The following HPSE2 variants were observed in gnomAD, a reference collection of about 807,000 sequenced individuals.
The protein encoded by HPSE2 is inactive heparanase-2.
Under a neutral mutation model 60.5 loss-of-function variants are expected in HPSE2, and 38 were observed. That is an observed-to-expected ratio of 0.63 (90% CI 0.48 to 0.82). The LOEUF (loss-of-function observed/expected upper bound fraction) is 0.82, where lower values mean the gene tolerates loss of function less well. Among genes scored for constraint, HPSE2 ranks in the 40% least tolerant of loss-of-function variants. The probability of loss-of-function intolerance (pLI) is 0.00; values close to 1 mark genes in which losing one functional copy is unlikely to be tolerated. For missense variants in HPSE2, 713 were observed against 740.4 expected (o/e 0.96, Z 0.43); for synonymous variants, 295 against 293.2 (o/e 1.01, Z -0.06).
chr10:98,930,061 G>C (rs1326856209), intron 3 of HPSE2, among the ~76,000 whole-genome samples: 2 of 143,538 alleles, frequency 1.4e-5, no homozygotes, highest in Non-Finnish European at 3.0e-5. Flanking sequence ...TGTCATGGTG[G>C]TTTGCTGCAC....
At chr10:99,292,100 G>T in the HPSE2 span, among the ~76,000 whole-genome samples, 1 of 152,162 alleles carries the variant, frequency 6.6e-6, no homozygotes, top group South Asian at 2.1e-4. Flanking sequence ...AGGTTGTAAG[G>T]GCCTACATAT....
intron 2 of HPSE2, among the ~76,000 whole-genome samples, chr10:99,195,908 T>C (rs1028350719): frequency 2.0e-5 from 3 of 152,054 alleles, no homozygotes; most frequent in African/African-American, 7.2e-5. Flanking sequence ...AAAACTATCC[T>C]TAGCAAACCT....
At chr10:98,461,900 C>T in intron 11 of HPSE2, 1 of 1,012,902 alleles carries the variant, frequency 9.9e-7, no homozygotes, top group Non-Finnish European at 1.5e-6. Flanking sequence ...GGAACAGGCC[C>T]TATTCTGGTT....
chr10:98,814,785 A>G (rs553435672), intron 3 of HPSE2, among the ~76,000 whole-genome samples: 1 of 152,206 alleles, frequency 6.6e-6, no homozygotes, highest in South Asian at 2.1e-4. Flanking sequence ...TCAGCCAATA[A>G]AACAGCCATT....
intron 3 of HPSE2, among the ~76,000 whole-genome samples, chr10:98,810,995 C>T (rs561753996): frequency 6.6e-6 from 1 of 152,116 alleles, no homozygotes; most frequent in African/African-American, 2.4e-5. Flanking sequence ...TTAATGGCTT[C>T]CTACCGCTCT....
intron 9 of HPSE2, among the ~76,000 whole-genome samples, chr10:98,588,267 G>T (rs1248681783): frequency 6.6e-6 from 1 of 151,816 alleles, no homozygotes; most frequent in Non-Finnish European, 1.5e-5. Context: ...AGTTTGGAGG[G>T]GATGAGACCA....
chr10:98,841,858 G>A (rs1951921669), intron 3 of HPSE2, among the ~76,000 whole-genome samples: 1 of 150,650 alleles, frequency 6.6e-6, no homozygotes, highest in Non-Finnish European at 1.5e-5. Context: ...CCAGGCTGGA[G>A]TGCAGTGGCA....
chr10:98,489,439 G>C (rs1941560921), intron 10 of HPSE2, among the ~76,000 whole-genome samples: 1 of 152,226 alleles, frequency 6.6e-6, no homozygotes, highest in African/African-American at 2.4e-5. Flanking sequence ...TTGTTGTCCA[G>C]AGCCCTCAGA....
At chr10:98,939,461 C>T (rs1351485544) in intron 3 of HPSE2, among the ~76,000 whole-genome samples, 1 of 142,468 alleles carries the variant, frequency 7.0e-6, no homozygotes, top group South Asian at 2.1e-4. Context: ...GACTTTAAAC[C>T]AAAAAGATCA....
intron 3 of HPSE2, among the ~76,000 whole-genome samples, chr10:99,006,210 G>A (rs1956889697): frequency 6.6e-6 from 1 of 152,124 alleles, no homozygotes; most frequent in Admixed American, 6.5e-5. Context: ...AACTAGAGTG[G>A]GGATGGGACA....
intron 2 of HPSE2, among the ~76,000 whole-genome samples, chr10:99,187,182 A>AT (rs1396508789): frequency 6.6e-6 from 1 of 152,136 alleles, no homozygotes; most frequent in Non-Finnish European, 1.5e-5. Context: ...AATCATCCTA[A>AT]TAGGTAACAA....
chr10:98,807,934 A>C (rs1951079508), intron 3 of HPSE2, among the ~76,000 whole-genome samples: 1 of 152,166 alleles, frequency 6.6e-6, no homozygotes, highest in African/African-American at 2.4e-5. Flanking sequence ...ACTGTGAAGG[A>C]CACAGGAAAA....
chr10:98,599,094 T>C (rs1299094173), intron 9 of HPSE2, among the ~76,000 whole-genome samples: 1 of 152,000 alleles, frequency 6.6e-6, no homozygotes, highest in African/African-American at 2.4e-5. Flanking sequence ...GGCCTAAACC[T>C]TGGGTCTGCT....
chr10:99,144,479 C>T, intron 2 of HPSE2, 80 bp from the exon 3 acceptor site: 1 of 1,515,546 alleles, frequency 6.6e-7, no homozygotes. Context: ...TCTTGTTTCA[C>T]CCAAAATGAC....
chr10:98,628,768 C>T (rs1187887241), intron 7 of HPSE2, among the ~76,000 whole-genome samples: 1 of 152,016 alleles, frequency 6.6e-6, no homozygotes, highest in Non-Finnish European at 1.5e-5. Flanking sequence ...TCCATTCCTT[C>T]ATATTTCAGG....
chr10:98,643,943 A>G (rs1359526657), intron 6 of HPSE2, among the ~76,000 whole-genome samples: 1 of 152,208 alleles, frequency 6.6e-6, no homozygotes, highest in Non-Finnish European at 1.5e-5. Flanking sequence ...AGTTCCCAGT[A>G]ACTACATTAC....
intron 1 of HPSE2, among the ~76,000 whole-genome samples, chr10:99,234,186 A>T (rs1300845484): frequency 1.3e-5 from 2 of 152,190 alleles, no homozygotes; most frequent in African/African-American, 4.8e-5. Context: ...CCTCGCGGCA[A>T]CCGCACCAAC....
intron 5 of HPSE2, among the ~76,000 whole-genome samples, chr10:98,721,142 T>C (rs916392272): frequency 6.6e-6 from 1 of 152,054 alleles, no homozygotes; most frequent in Non-Finnish European, 1.5e-5. Flanking sequence ...TTAAAAATGA[T>C]TGTCAGATTC....
chr10:98,950,903 G>A (rs1955336303), intron 3 of HPSE2, among the ~76,000 whole-genome samples: 1 of 152,092 alleles, frequency 6.6e-6, no homozygotes, highest in Non-Finnish European at 1.5e-5. Flanking sequence ...ATCTTTACTT[G>A]TTCTAACTAT....
Sources: allele counts gnomAD v4.1 joint callset (sites outside exome capture counted in the v4.1 genomes callset), GRCh38; gene constraint gnomAD v4.1.1; transcripts MANE v1.5; gene names NCBI Gene and HGNC (gene_info 2026-07-23, HGNC 2026-07-21).